The following NCBP1 variants were observed in gnomAD, a reference collection of about 807,000 sequenced individuals.
NCBP1 encodes the protein nuclear cap-binding protein subunit 1.
NCBP1 carries 16 observed loss-of-function variants against 111.7 expected under a neutral mutation model. That is an observed-to-expected ratio of 0.14 (90% CI 0.10 to 0.22). NCBP1 has a LOEUF of 0.22. Among genes scored for constraint, NCBP1 ranks in the 10% least tolerant of loss-of-function variants. The probability of loss-of-function intolerance (pLI) is 1.00; values close to 1 mark genes in which losing one functional copy is unlikely to be tolerated. For missense variants in NCBP1, 607 were observed against 957.5 expected, an observed-to-expected ratio of 0.63 and a Z score of 4.83; for synonymous variants, 304 against 314.3, an observed-to-expected ratio of 0.97 and a Z score of 0.35.
chr9:97,664,262 A>G, intron 18 of NCBP1, 78 bp from the exon 19 acceptor site: 1 of 866,870 alleles, frequency 1.2e-6, no homozygotes, highest in Non-Finnish European at 1.8e-6. Context: ...TTTTACTTTT[A>G]TAGCAGCAGT....
chr9:97,663,108 G>C, intron 18 of NCBP1, 61 bp downstream of exon 18: 1 of 1,236,438 alleles, frequency 8.1e-7, no homozygotes. Flanking sequence ...AAATAAGGCC[G>C]TTAATTGCCA....
intron 11 of NCBP1, 112 bp downstream of exon 11, chr9:97,654,020 GTGTGT>G (rs1827570644): frequency 1.3e-6 from 1 of 773,792 alleles, no homozygotes; most frequent in East Asian, 2.7e-5. Flanking sequence ...GGCTTTTGAA[GTGTGT>G]TGTGTGTGTG....
At chr9:97,654,240 T>C (rs570370976) in intron 11 of NCBP1, among the ~76,000 whole-genome samples, 1 of 152,324 alleles carries the variant, frequency 6.6e-6, no homozygotes, top group South Asian at 2.1e-4. Context: ...GTAGAACTTC[T>C]TTCAGAGTTG....
chr9:97,646,760 C>T (rs1827347546), intron 6 of NCBP1, among the ~76,000 whole-genome samples: 1 of 150,452 alleles, frequency 6.6e-6, no homozygotes, highest in Non-Finnish European at 1.5e-5. Flanking sequence ...TTGCTTGAAC[C>T]CAGGAGACGG....
intron 14 of NCBP1, among the ~76,000 whole-genome samples, chr9:97,658,077 T>C (rs1029732973): frequency 6.6e-6 from 1 of 151,888 alleles, no homozygotes; most frequent in African/African-American, 2.4e-5. Context: ...AAAGTAGTAA[T>C]GGAATATGGT....
At chr9:97,669,986 G>C (rs887520370) in intron 22 of NCBP1, 1 of 448,328 alleles carries the variant, frequency 2.2e-6, no homozygotes, top group African/African-American at 2.2e-5. Context: ...TCAGTGACAC[G>C]ATCTCAGCTC....
chr9:97,653,047 A>G (rs73498355), intron 10 of NCBP1, among the ~76,000 whole-genome samples: 17,830 of 151,736 alleles, frequency 0.12, 2,969 homozygotes, highest in African/African-American at 0.36. Context: ...GAAAGATCTG[A>G]GCATCTATTT....
intron 12 of NCBP1, 107 bp downstream of exon 12, chr9:97,655,051 T>C: frequency 5.3e-6 from 5 of 946,996 alleles, no homozygotes; most frequent in Non-Finnish European, 7.6e-6. Context: ...TTTAGTTTTT[T>C]TCTTGCCTCC....
At chr9:97,663,819 G>A (rs896761330) in intron 18 of NCBP1, among the ~76,000 whole-genome samples, 4 of 151,980 alleles carry the variant, frequency 2.6e-5, no homozygotes, top group Non-Finnish European at 4.4e-5. Flanking sequence ...ACCATTCAGA[G>A]TTTTTGTTTA....
At chr9:97,654,555 A>G (rs1041632517) in intron 11 of NCBP1, among the ~76,000 whole-genome samples, 4 of 148,686 alleles carry the variant, frequency 2.7e-5, no homozygotes, top group African/African-American at 1.0e-4. Context: ...GTTGCCACAA[A>G]CCTTCAGTTA....
At chr9:97,669,783 A>G (rs1828124118) in intron 22 of NCBP1, 77 bp downstream of exon 22, 2 of 1,059,884 alleles carry the variant, frequency 1.9e-6, no homozygotes, top group Non-Finnish European at 2.9e-6. Context: ...ATCCTTGTCA[A>G]ATTTGTTAGG....
chr9:97,633,926 G>A lies in NCBP1; in HGVS notation c.34+11G>A. On this transcript the variant is annotated intron_variant, in intron 1 of 22. Coordinates refer to ENST00000375147, the MANE Select transcript of NCBP1 (RefSeq NM_002486.5). ...GCGACGAGAACGACGGTGAGTGCCT[G>A]CGGCCCGGCCACGGAGGCCGCTCCC... 1.3e-6 allele frequency: 2 copies of A among 1,583,720 alleles called. No individual in the cohort carries two copies. The highest frequency in any genetic ancestry group is 4.6e-5 in the East Asian group (2 of 43,300).
chr9:97,664,289 ATGTG>A lies in NCBP1; in HGVS notation c.1798-45_1798-42del, dbSNP rs111959999. 9.8e-6 allele frequency: 11 copies of A among 1,117,866 alleles called. 1 individual carries two copies. The Middle Eastern group carries it at 1.0e-3, about 103-fold the overall frequency. The allele number at this position is 1,117,866 out of a possible 1,614,324, so 69.2% of individuals were successfully genotyped here. ...AGCAGCAGTGTGGTGGCACATATAT[ATGTG>A]TGTGTATGTGTGTGTGTGATTTACT... On this transcript the variant is annotated intron_variant, in intron 18 of 22. Transcript: ENST00000375147.
chr9:97,655,015 GA>G lies in NCBP1; in HGVS notation c.1235+74del, dbSNP rs1250879545. On this transcript the variant is annotated intron_variant, in intron 12 of 22. Coordinates refer to ENST00000375147, the MANE Select transcript of NCBP1 (RefSeq NM_002486.5). ...TCCTGTACTTCATAAAGGAATTTGA[GA>G]AAGACATTTTTAAGAATTTCCATGT... 5 of 1,251,078 alleles carry G rather than the reference GA, an allele frequency of 4.0e-6. No homozygotes were observed. The African/African-American group carries it at 7.9e-5, about 20-fold the overall frequency. 77.5% of individuals were successfully genotyped at this position (1,251,078 alleles called of 1,614,324 possible). A position where few individuals can be genotyped will look rare whatever the true frequency, so the allele number is the denominator to read the frequency against.
chr9:97,666,537 G>A (rs2297158), intron 19 of NCBP1, among the ~76,000 whole-genome samples: 17,952 of 152,150 alleles, frequency 0.12, 3,005 homozygotes, highest in African/African-American at 0.37. Context: ...ACTACACAGT[G>A]CTGCCCTCAG....
chr9:97,645,536 C>T (rs1827310061), intron 5 of NCBP1, 75 bp from the exon 6 acceptor site: 2 of 1,453,398 alleles, frequency 1.4e-6, no homozygotes, highest in South Asian at 2.5e-5. Context: ...CATAGGATTT[C>T]ATTCAAGAAT....
chr9:97,666,967 A>AT (rs1376107542), intron 20 of NCBP1, 90 bp downstream of exon 20: 14 of 993,162 alleles, frequency 1.4e-5, no homozygotes, highest in Admixed American at 1.3e-4. Flanking sequence ...ATGATATTTC[A>AT]TTTTTTCTGA....
intron 4 of NCBP1, 26 bp downstream of exon 4, chr9:97,643,386 T>C (rs1276932755): frequency 2.6e-6 from 4 of 1,552,658 alleles, no homozygotes; most frequent in Non-Finnish European, 2.6e-6. Context: ...TGTTGGTATG[T>C]TATGACTACT....
chr9:97,658,421 CTCA>C (rs1381599381), intron 14 of NCBP1, among the ~76,000 whole-genome samples: 1 of 152,196 alleles, frequency 6.6e-6, no homozygotes, highest in Non-Finnish European at 1.5e-5. Context: ...CATGAGCTCA[CTCA>C]CCCGCACCTC....
Sources: gnomAD v4.1 joint callset for allele counts (sites outside exome capture counted in the v4.1 genomes callset) on GRCh38, gnomAD v4.1.1 for gene constraint, MANE v1.5 for transcripts, NCBI Gene and HGNC (gene_info 2026-07-23, HGNC 2026-07-21) for gene names.